WIF1: variants seen among roughly 807,000 people sequenced by gnomAD.
The protein encoded by WIF1 is Wnt inhibitory factor 1.
In WIF1, 35 loss-of-function variants were observed where a neutral mutation model predicts 53.5. The observed-to-expected ratio is 0.65, with a 90% CI of 0.50 to 0.87. The LOEUF is 0.87. Ranked by LOEUF, WIF1 falls within the 40% of genes least tolerant of loss-of-function variation. WIF1 has a pLI of 0.00. For synonymous variants in WIF1, 171 were observed against 170.4 expected, an observed-to-expected ratio of 1.00 and a Z score of -0.03; for missense variants, 467 against 476.8, an observed-to-expected ratio of 0.98 and a Z score of 0.19.
At chr12:65,093,992 G>A (rs920067054) in intron 2 of WIF1, among the ~76,000 whole-genome samples, 4 of 152,068 alleles carry the variant, frequency 2.6e-5, no homozygotes, top group Non-Finnish European at 5.9e-5. Flanking sequence ...AAACAGTGAC[G>A]GTTCTGTAAT....
intron 7 of WIF1, among the ~76,000 whole-genome samples, chr12:65,057,037 C>G (rs1473526610): frequency 6.6e-6 from 1 of 152,106 alleles, no homozygotes; most frequent in Non-Finnish European, 1.5e-5. Flanking sequence ...CCCCAGAAAG[C>G]AGGATCTGCA....
intron 2 of WIF1, 123 bp from the exon 3 acceptor site, chr12:65,077,977 G>A: frequency 1.4e-6 from 1 of 713,474 alleles, no homozygotes; most frequent in African/African-American, 1.8e-5. Flanking sequence ...GGAGCACACA[G>A]CATCCAAGAT....
At chr12:65,109,840 G>C (rs943194911) in intron 2 of WIF1, among the ~76,000 whole-genome samples, 4 of 152,164 alleles carry the variant, frequency 2.6e-5, no homozygotes, top group Admixed American at 2.6e-4. Context: ...AAGATTCACT[G>C]AAGATTCACT....
chr12:65,105,064 G>A (rs770585191), intron 2 of WIF1, among the ~76,000 whole-genome samples: 7 of 152,108 alleles, frequency 4.6e-5, no homozygotes, highest in Non-Finnish European at 8.8e-5. Context: ...ATACTCCAGT[G>A]GCTCCAGAGG....
At chr12:65,114,516 C>T (rs1442463771) in intron 2 of WIF1, among the ~76,000 whole-genome samples, 1 of 152,038 alleles carries the variant, frequency 6.6e-6, no homozygotes, top group Non-Finnish European at 1.5e-5. Flanking sequence ...GTTCTTAAGC[C>T]TTTGTTATAT....
At chr12:65,063,680 C>T (rs567014349) in intron 6 of WIF1, among the ~76,000 whole-genome samples, 5 of 148,536 alleles carry the variant, frequency 3.4e-5, no homozygotes, top group Non-Finnish European at 7.4e-5. Context: ...GCTGTACTCA[C>T]TTTGGCAAAT....
intron 3 of WIF1, among the ~76,000 whole-genome samples, chr12:65,074,817 C>CAAAAAAAAAAAAA (rs758690202): frequency 5.4e-5 from 3 of 55,424 alleles, no homozygotes; most frequent in South Asian, 9.2e-4. Context: ...CACTCTGTCT[C>CAAAAAAAAAAAAA]AAAAAAAAAA....
At chr12:65,084,341 G>T (rs1022804280) in intron 2 of WIF1, among the ~76,000 whole-genome samples, 1 of 152,098 alleles carries the variant, frequency 6.6e-6, no homozygotes, top group Non-Finnish European at 1.5e-5. Context: ...TTATGGATGG[G>T]ATAAGGCCTT....
chr12:65,055,878 C>T (rs1249490102), intron 8 of WIF1, among the ~76,000 whole-genome samples, 153 bp downstream of exon 8: 1 of 152,224 alleles, frequency 6.6e-6, no homozygotes, highest in African/African-American at 2.4e-5. Flanking sequence ...CATACCACAC[C>T]TCTGGTCTAC....
At chr12:65,095,393 T>C (rs1214658667) in intron 2 of WIF1, among the ~76,000 whole-genome samples, 5 of 152,222 alleles carry the variant, frequency 3.3e-5, no homozygotes, top group Non-Finnish European at 7.3e-5. Flanking sequence ...CTTGTAAATA[T>C]GTTAGTATCT....
At chr12:65,113,480 C>T (rs1883462881) in intron 2 of WIF1, among the ~76,000 whole-genome samples, 1 of 152,032 alleles carries the variant, frequency 6.6e-6, no homozygotes, top group African/African-American at 2.4e-5. Flanking sequence ...TGTTTATGTG[C>T]TTTTATACCA....
chr12:65,116,476 T>C (rs1477279009), intron 2 of WIF1, among the ~76,000 whole-genome samples: 2 of 151,938 alleles, frequency 1.3e-5, no homozygotes, highest in Non-Finnish European at 2.9e-5. Flanking sequence ...GATGGGACCA[T>C]CTAGTTGCAG....
intron 2 of WIF1, among the ~76,000 whole-genome samples, chr12:65,106,512 C>T (rs1003543851): frequency 4.0e-5 from 6 of 151,816 alleles, no homozygotes; most frequent in Non-Finnish European, 8.8e-5. Context: ...TACAGGTGCT[C>T]GCCACCACGC....
intron 2 of WIF1, among the ~76,000 whole-genome samples, chr12:65,080,082 G>A (rs1882924882): frequency 6.6e-6 from 1 of 152,144 alleles, no homozygotes; most frequent in Non-Finnish European, 1.5e-5. Context: ...GACTTCACAT[G>A]AGGATAATAA....
chr12:65,072,545 A>G (rs138186981), intron 3 of WIF1, among the ~76,000 whole-genome samples: 226 of 152,304 alleles, frequency 1.5e-3, no homozygotes, highest in Non-Finnish European at 2.6e-3. Context: ...AACAGATGTG[A>G]TATATGTTAT....
chr12:65,109,661 T>C (rs1883401333), intron 2 of WIF1, among the ~76,000 whole-genome samples: 1 of 152,240 alleles, frequency 6.6e-6, no homozygotes, highest in South Asian at 2.1e-4. Context: ...TGAGAAGATA[T>C]TCCAAAAGTT....
chr12:65,118,567 A>G (rs1257853449), intron 2 of WIF1, among the ~76,000 whole-genome samples: 5 of 152,220 alleles, frequency 3.3e-5, no homozygotes, highest in African/African-American at 1.2e-4. Context: ...AGGTGCTAAC[A>G]TTGTCCTGCA....
chr12:65,059,656 CTT>C (rs1277357379), intron 7 of WIF1, among the ~76,000 whole-genome samples: 1 of 145,854 alleles, frequency 6.9e-6, no homozygotes. Flanking sequence ...TTGTTTTTTA[CTT>C]TTTTTTTTTT....
chr12:65,107,700 C>T (rs1251802373), intron 2 of WIF1, among the ~76,000 whole-genome samples: 3 of 152,200 alleles, frequency 2.0e-5, no homozygotes, highest in African/African-American at 7.2e-5. Flanking sequence ...CTCCCAGTGG[C>T]ACATCCATTA....
Sources: gnomAD v4.1 joint callset for allele counts (sites outside exome capture counted in the v4.1 genomes callset) on GRCh38, gnomAD v4.1.1 for gene constraint, MANE v1.5 for transcripts, NCBI Gene and HGNC (gene_info 2026-07-23, HGNC 2026-07-21) for gene names.